Variants in RAPGEF1 observed in about 807,000 individuals in gnomAD.
RAPGEF1 encodes CRK SH3-binding GNRP.
Under a neutral mutation model 143.3 loss-of-function variants are expected in RAPGEF1, and 33 were observed. The observed-to-expected ratio is 0.23, with a 90% CI of 0.17 to 0.31. The LOEUF (loss-of-function observed/expected upper bound fraction) is 0.31, where lower values mean the gene tolerates loss of function less well. RAPGEF1 is among the 10% of genes least tolerant of loss of function. RAPGEF1 has a pLI of 1.00. For missense variants in RAPGEF1, 1,199 were observed against 1,645.4 expected (o/e 0.73, Z 4.69); for synonymous variants, 629 against 676.5 (o/e 0.93, Z 1.09).
At position 131,730,697 on chromosome 9, in the gene RAPGEF1, C is replaced by CAAA. The variant is rs56044744; in HGVS notation, c.61+9070_61+9072dup. On this transcript the variant is annotated intron_variant, in intron 1 of 26. Transcript: ENST00000683357. The stretch of plus-strand genomic sequence containing the variant: ...GCAACAGCAGAGTGAGACTCCATCT[C>CAAA]AAAAAAAAAAAAAAAAAAAAAGAAG... 3.0e-4 allele frequency among the ~76,000 whole-genome samples: 24 copies of CAAA among 80,362 alleles called. No homozygotes were observed. The South Asian group carries it at 5.3e-3, about 18-fold the overall frequency. The allele number at this position is 80,362 out of a possible 152,430, so 52.7% of individuals were successfully genotyped here.
chr9:131,582,991 T>C (rs3765542), intron 24 of RAPGEF1, among the ~76,000 whole-genome samples: 99,684 of 152,152 alleles, frequency 0.66, 33,495 homozygotes, highest in African/African-American at 0.81. Flanking sequence ...CCAGCGCTTG[T>C]GTGTATACGA....
At chr9:131,688,632 T>G (rs1296914670) in intron 1 of RAPGEF1, among the ~76,000 whole-genome samples, 3 of 152,140 alleles carry the variant, frequency 2.0e-5, no homozygotes, top group Non-Finnish European at 4.4e-5. Context: ...AAGACTCAAA[T>G]CTAAATAACA....
intron 19 of RAPGEF1, among the ~76,000 whole-genome samples, chr9:131,589,425 C>A (rs1360224058): frequency 2.0e-5 from 3 of 152,230 alleles, no homozygotes; most frequent in East Asian, 1.9e-4. Context: ...ATGGTCATCT[C>A]CCCCAGCAGG....
Position 131,579,239 on chromosome 9 carries a change from G to C in RAPGEF1, c.*258C>G. 2.1e-6 allele frequency: 1 copy of C among 479,030 alleles called. No individual in the cohort carries two copies. The highest frequency in any genetic ancestry group is 2.7e-5 in the South Asian group (1 of 36,902). The allele number at this position is 479,030 out of a possible 1,614,324, so 29.7% of individuals were successfully genotyped here. On this transcript the variant is annotated 3_prime_UTR_variant, in exon 27 of 27. Transcript: ENST00000683357. ...AAAAGCAGAAAACAAAACCAAACCA[G>C]AAAACCACCGGTTTGTAAATTGGCA...
In RAPGEF1 at chr9:131,603,975, C is replaced by G; in HGVS notation, c.2398G>C (p.Ala800Pro). The G allele has an allele frequency of 1.5e-6, 2 of 1,329,214 alleles. No individual in the cohort carries two copies. Among genetic ancestry groups the G allele is most frequent in the Non-Finnish European group, 2.0e-6 (2 of 1,001,372 alleles). The allele number at this position is 1,329,214 out of a possible 1,614,324, so 82.3% of individuals were successfully genotyped here. Reference protein sequence around the residue: ...YSSGQSSEELAPSRGEPPAGK... With the variant: ...YSSGQSSEELPPSRGEPPAGK... Reference sequence around the variant, plus strand: ...AGGTTACTTACTCCTCGAGAGGGAGCCAGCTCCTCGCTGCTCTGGCCAGAG... The same window carrying G: ...AGGTTACTTACTCCTCGAGAGGGAGGCAGCTCCTCGCTGCTCTGGCCAGAG... Residue 800 changes from alanine to proline, a missense_variant, in exon 14 of 27, where the codon GCT becomes CCT. Coordinates refer to ENST00000683357, the MANE Select transcript of RAPGEF1 (RefSeq NM_001377935.1).
intron 1 of RAPGEF1, among the ~76,000 whole-genome samples, chr9:131,654,941 T>C (rs181258994): frequency 4.6e-5 from 7 of 152,278 alleles, no homozygotes; most frequent in Admixed American, 1.3e-4. Flanking sequence ...GAAAAATAAA[T>C]ACCTGTAGTT....
intron 1 of RAPGEF1, among the ~76,000 whole-genome samples, chr9:131,700,145 A>G (rs1210776256): frequency 1.3e-5 from 2 of 151,586 alleles, no homozygotes; most frequent in African/African-American, 4.9e-5. Context: ...CCCATACTCA[A>G]CCCCTCAGTA....
rs147296304 is a variant in RAPGEF1 at position 131,685,718 on chromosome 9, T to C, written c.62-34769A>G. 5.3e-5 allele frequency among the ~76,000 whole-genome samples: 8 copies of C among 152,308 alleles called. No homozygotes were observed. The East Asian group carries it at 1.5e-3, about 29-fold the overall frequency. On this transcript the variant is annotated intron_variant, in intron 1 of 26. Transcript: ENST00000683357. ...GCTCTGAAGGCTGTGAGACCCCTGA[T>C]TTCCCACTTCACACCTCTATATTTC...
rs568729278 is a variant in RAPGEF1 at position 131,598,264 on chromosome 9, C to T, written c.2548G>A (p.Glu850Lys). 1.5e-5 allele frequency: 25 copies of T among 1,614,052 alleles called. No homozygotes were observed. Among genetic ancestry groups the T allele is most frequent in the Non-Finnish European group, 1.9e-5 (23 of 1,179,916 alleles). ...DALESAQSEE[E>K]VDELSLIDHN... is the part of the protein sequence containing the mutation. Reference sequence around the variant, plus strand: ...TCAATGAGGGACAGCTCGTCCACTTCCTCCTCCGACTGAGCCGACTCCAGA... The same window carrying T: ...TCAATGAGGGACAGCTCGTCCACTTTCTCCTCCGACTGAGCCGACTCCAGA... Residue 850 changes from glutamate to lysine, a missense_variant, in exon 16 of 27, where the codon GAA (glutamate) becomes AAA (lysine). By Grantham distance (56) the Glu-to-Lys change is moderately conservative. This residue lies in a region of RAPGEF1 where 293 missense variants were observed against 356.2 expected (regional missense o/e 0.82). Coordinates refer to ENST00000683357, the MANE Select transcript of RAPGEF1 (RefSeq NM_001377935.1).
chr9:131,588,108 C>A, intron 20 of RAPGEF1, 82 bp from the exon 21 acceptor site: 1 of 1,203,636 alleles, frequency 8.3e-7, no homozygotes, highest in South Asian at 1.3e-5. Context: ...CTGCGGGCGT[C>A]AGAGCAGGAG....
chr9:131,585,227 C>T (rs1200685919), intron 22 of RAPGEF1, among the ~76,000 whole-genome samples: 1 of 152,230 alleles, frequency 6.6e-6, no homozygotes, highest in Non-Finnish European at 1.5e-5. Flanking sequence ...GGGTCTTGAT[C>T]TGTCACCCAG....
rs2133078148 is a variant in RAPGEF1, at chr9:131,630,318, C to T, written c.658G>A (p.Val220Ile). ...KAVLDGVKEL[V>I]RLTIEKQGRP... ...CCCTGCTTCTCGATGGTGAGCCTGA[C>T]CAGCTCCTACCCCCACAAGAAAAAG... The change falls in exon 6 of 27, where the codon GTC becomes ATC. Residue 220 changes from valine to isoleucine, a missense_variant. This residue lies in a region of RAPGEF1 where 613 missense variants were observed against 710.9 expected (regional missense o/e 0.86). Transcript: ENST00000683357. 6.2e-7 allele frequency: 1 copy of T among 1,613,638 alleles called. No homozygotes were observed. The highest frequency in any genetic ancestry group is 8.5e-7 in the Non-Finnish European group (1 of 1,179,646).
At position 131,655,582 on chromosome 9, in the gene RAPGEF1, G is replaced by C. The variant is rs1025074090; in HGVS notation, c.62-4633C>G. 6.6e-6 allele frequency among the ~76,000 whole-genome samples: 1 copy of C among 152,178 alleles called. No individual in the cohort carries two copies. The highest frequency in any genetic ancestry group is 2.4e-5 in the African/African-American group (1 of 41,444). On this transcript the variant is annotated intron_variant, in intron 1 of 26. Transcript: ENST00000683357. The surrounding 1 kb of genome is among the most constrained non-coding windows in gnomAD (Gnocchi z 4.1). The stretch of plus-strand genomic sequence containing the variant: ...GGATGTGAACAGTCTAATCCTTCAT[G>C]TGATGCTTAAGAGGGTGTGCACTGT...
chr9:131,632,737 T>C (rs1965274215), intron 5 of RAPGEF1, among the ~76,000 whole-genome samples: 1 of 152,238 alleles, frequency 6.6e-6, no homozygotes, highest in Non-Finnish European at 1.5e-5. Flanking sequence ...CTAGGTGATA[T>C]GCTGGTTTAT....
intron 1 of RAPGEF1, among the ~76,000 whole-genome samples, chr9:131,721,579 T>C (rs1836268459): frequency 6.6e-6 from 1 of 152,196 alleles, no homozygotes; most frequent in African/African-American, 2.4e-5. Flanking sequence ...CTGTATGGAA[T>C]AGTCGCCGAA....
At chr9:131,719,602 G>A (rs1165458835) in intron 1 of RAPGEF1, among the ~76,000 whole-genome samples, 2 of 129,030 alleles carry the variant, frequency 1.6e-5, no homozygotes, top group African/African-American at 2.9e-5. Context: ...TCTGTCACCC[G>A]GAGAGATAGT....
In RAPGEF1 at chr9:131,739,799, G is replaced by A; in HGVS notation, c.32C>T (p.Pro11Leu). ...TTTCTCGATCTTGCCGGACATTTCCGGGCTGCGCCGGAGGCCGAGGCCGCC... is the reference window on the plus strand; with the variant it reads ...TTTCTCGATCTTGCCGGACATTTCCAGGCTGCGCCGGAGGCCGAGGCCGCC... MSGGLGLRRS[P>L]EMSGKIEKAD... Residue 11 changes from proline (P) to leucine (L), a missense_variant, in exon 1 of 27, where the codon CCG (proline) becomes CTG (leucine). By Grantham distance (98) the Pro-to-Leu change is moderately conservative. Coordinates refer to ENST00000683357, the MANE Select transcript of RAPGEF1 (RefSeq NM_001377935.1). The A allele has an allele frequency of 3.4e-6, 4 of 1,161,976 alleles. No individual in the cohort carries two copies. The highest frequency in any genetic ancestry group is 3.3e-5 in the Admixed American group (1 of 30,202). 72.0% of individuals were successfully genotyped at this position (1,161,976 alleles called of 1,614,324 possible). A position where few individuals can be genotyped will look rare whatever the true frequency, so the allele number is the denominator to read the frequency against.
intron 22 of RAPGEF1, among the ~76,000 whole-genome samples, chr9:131,586,927 A>C (rs1422351497): frequency 1.3e-4 from 7 of 55,368 alleles, no homozygotes; most frequent in East Asian, 5.5e-4. Context: ...CTCCGTCTCA[A>C]ACACACACAC....
chr9:131,653,524 G>C (rs1295558090), intron 1 of RAPGEF1, among the ~76,000 whole-genome samples: 1 of 152,198 alleles, frequency 6.6e-6, no homozygotes, highest in African/African-American at 2.4e-5. Context: ...CTCCAAAGAA[G>C]ATACACAAAT....
Sources: gnomAD v4.1 joint callset for allele counts (sites outside exome capture counted in the v4.1 genomes callset) on GRCh38, gnomAD v4.1.1 for gene constraint, gnomAD v4.1.1 regional missense constraint, Gnocchi (gnomAD v3.1) non-coding constraint, MANE v1.5 for transcripts, NCBI Gene and HGNC (gene_info 2026-07-23, HGNC 2026-07-21) for gene names.